XPOT: variants seen among roughly 807,000 people sequenced by gnomAD.
XPOT encodes the protein exportin-T.
In XPOT, 34 loss-of-function variants were observed where a neutral mutation model predicts 128.2. That is an observed-to-expected ratio of 0.27 (90% confidence interval 0.20 to 0.35). The LOEUF (loss-of-function observed/expected upper bound fraction) is 0.35. Ranked by LOEUF, XPOT falls within the 10% of genes least tolerant of loss-of-function variation. The pLI, the probability that XPOT is intolerant of heterozygous loss-of-function variation, is 1.00. For missense variants in XPOT, 838 were observed against 1,125.3 expected (o/e 0.74, Z 3.65); for synonymous variants, 348 against 394.3 (o/e 0.88, Z 1.39).
intron 22 of XPOT, among the ~76,000 whole-genome samples, chr12:64,438,783 A>G (rs1462815593): frequency 3.9e-5 from 6 of 152,004 alleles, no homozygotes; most frequent in Admixed American, 1.3e-4. Context: ...ATGCGCCATG[A>G]TGCCCAGCTA....
At chr12:64,435,720 T>A (rs754771533) in intron 22 of XPOT, 46 bp downstream of exon 22, 1 of 1,531,508 alleles carries the variant, frequency 6.5e-7, no homozygotes. Flanking sequence ...TCACATGTGG[T>A]ATTATTATCT....
rs2040383445 is a variant in XPOT at position 64,448,545 on chromosome 12, C to CG, written c.*414_*415insG. 6.3e-6 allele frequency: 1 copy of CG among 157,974 alleles called. No homozygotes were observed. Among genetic ancestry groups the CG allele is most frequent in the Non-Finnish European group, 1.4e-5 (1 of 71,556 alleles). 9.8% of individuals were successfully genotyped at this position (157,974 alleles called of 1,614,324 possible). ...GTATGGGGGAAGACAGCAATCAAAACTAACTTTTTGTAGATAGCCATTTCA... is the reference window on the plus strand; with the variant it reads ...GTATGGGGGAAGACAGCAATCAAAACGTAACTTTTTGTAGATAGCCATTTCA... On this transcript the variant is annotated 3_prime_UTR_variant, in exon 25 of 25. Transcript: ENST00000332707.
chr12:64,418,955 A>T lies in XPOT; in HGVS notation c.350A>T (p.Tyr117Phe), dbSNP rs377212431. 1 of 1,614,082 alleles carries T rather than the reference A, an allele frequency of 6.2e-7. No individual in the cohort carries two copies. ...QVFALLFVTE[Y>F]LTKWPKFFFD... ...TTCGCCTTGCTTTTTGTTACAGAGT[A>T]TCTCACTAAGTGGCCCAAGTTTTTT... Residue 117 changes from tyrosine (Y) to phenylalanine (F), a missense_variant, in exon 6 of 25, where the codon TAT becomes TTT. Transcript: ENST00000332707.
In XPOT at chr12:64,416,673, C is replaced by T. The variant is rs768681539; in HGVS notation, c.144-25C>T. 1.7e-5 allele frequency: 27 copies of T among 1,592,388 alleles called. 1 individual carries two copies. The South Asian group carries it at 2.7e-4, about 16-fold the overall frequency. ...TTTCCTCAGTTCATATTCTGCTTAT[C>T]TCATTTTCTTTTTTTCTTTTTCAGT... is the stretch of plus-strand genomic sequence containing the variant. On this transcript the variant is annotated intron_variant, in intron 3 of 24. Transcript: ENST00000332707.
chr12:64,407,183 C>T (rs2136007254), intron 1 of XPOT, among the ~76,000 whole-genome samples: 1 of 152,148 alleles, frequency 6.6e-6, no homozygotes, highest in Non-Finnish European at 1.5e-5. Context: ...CAAGACAGTC[C>T]TTGCCCTTTA....
chr12:64,421,185 T>G, intron 8 of XPOT, 50 bp from the exon 9 acceptor site: 1 of 1,364,880 alleles, frequency 7.3e-7, no homozygotes, highest in Non-Finnish European at 1.0e-6. Flanking sequence ...GTTTTTCCTC[T>G]TAGCTTGGGC....
intron 4 of XPOT, among the ~76,000 whole-genome samples, chr12:64,417,214 CAAAAAT>C (rs2040095824): frequency 6.6e-6 from 1 of 151,850 alleles, no homozygotes; most frequent in African/African-American, 2.4e-5. Context: ...GACTCCGTCT[CAAAAAT>C]AAAAAAAGTG....
chr12:64,431,874 T>G, intron 18 of XPOT, 51 bp downstream of exon 18: 1 of 1,559,480 alleles, frequency 6.4e-7, no homozygotes. Context: ...CAGATGTATT[T>G]ATCTTCAGAC....
chr12:64,425,278 C>T, intron 13 of XPOT, 60 bp from the exon 14 acceptor site: 1 of 1,609,494 alleles, frequency 6.2e-7, no homozygotes, highest in Non-Finnish European at 8.5e-7. Context: ...TATGTTAATA[C>T]CGGGGCATTT....
At chr12:64,431,424 G>A (rs553876848) in intron 17 of XPOT, 114 bp from the exon 18 acceptor site, 323 of 1,025,668 alleles carry the variant, frequency 3.1e-4, no homozygotes, top group Non-Finnish European at 4.3e-4. Context: ...GAAAATAAAG[G>A]TCTGGTTATT....
chr12:64,434,878 C>T lies in XPOT; in HGVS notation c.2654C>T (p.Thr885Ile). The T allele has an allele frequency of 6.2e-7, 1 of 1,612,336 alleles. No homozygotes were observed. Among genetic ancestry groups the T allele is most frequent in the Non-Finnish European group, 8.5e-7 (1 of 1,179,970 alleles). The change falls in exon 21 of 25, where the codon ACC becomes ATC. Residue 885 changes from threonine (T) to isoleucine (I), a missense_variant. Thr to Ile is a moderately conservative substitution (Grantham distance 89). Around this residue, in one of 3 missense-constraint regions of XPOT, gnomAD observed 21 missense variants for 57.8 expected, o/e 0.36. Transcript: ENST00000332707. ...TGTTTCCTAGCACCTTTAAAACAAA[C>T]CTTTGACCTGGCAGATGCACAAACA... Reference protein sequence around the residue: ...PACFLAPLKQTFDLADAQTVL... With the variant: ...PACFLAPLKQIFDLADAQTVL...
chr12:64,421,295 T>C lies in XPOT; in HGVS notation c.904T>C (p.Leu302=), dbSNP rs1373559205. The C allele has an allele frequency of 1.2e-6, 2 of 1,613,986 alleles. No individual in the cohort carries two copies. Among genetic ancestry groups the C allele is most frequent in the Admixed American group, 1.7e-5 (1 of 60,006 alleles). The change falls in exon 9 of 25, where the codon TTG becomes CTG. Residue 302 remains leucine (L), a synonymous_variant. Coordinates refer to ENST00000332707, the MANE Select transcript of XPOT (RefSeq NM_007235.6). ...SKLVNGMGQS[L]IVSWSKLIKN... ...GTTGGTAAATGGAATGGGACAGTCA[T>C]TGATAGTTAGTTGGAGTAAATTAAT...
At chr12:64,427,694 C>T (rs1394161465) in intron 15 of XPOT, among the ~76,000 whole-genome samples, 1 of 152,004 alleles carries the variant, frequency 6.6e-6, no homozygotes, top group Non-Finnish European at 1.5e-5. Flanking sequence ...AGTCTCACCA[C>T]ATTGCCCAGC....
At chr12:64,431,408 G>C in intron 17 of XPOT, 130 bp from the exon 18 acceptor site, 2 of 846,660 alleles carry the variant, frequency 2.4e-6, no homozygotes, top group Non-Finnish European at 3.7e-6. Flanking sequence ...AAGTAATTGT[G>C]ATGTGGAAAA....
chr12:64,412,752 G>A (rs998538457), intron 2 of XPOT, among the ~76,000 whole-genome samples: 3 of 152,086 alleles, frequency 2.0e-5, no homozygotes, highest in Admixed American at 1.3e-4. Context: ...TTATGGGCTC[G>A]GTCTTACAAA....
chr12:64,428,794 C>A (rs1412676552), intron 16 of XPOT, among the ~76,000 whole-genome samples: 1 of 152,132 alleles, frequency 6.6e-6, no homozygotes, highest in Non-Finnish European at 1.5e-5. Context: ...ACTTCATAGG[C>A]CACTTTACAC....
At position 64,416,317 on chromosome 12, in the gene XPOT, CTCTG is replaced by C. The variant is rs1431968820; in HGVS notation, c.144-375_144-372del. 5.3e-5 allele frequency among the ~76,000 whole-genome samples: 8 copies of C among 152,338 alleles called. No individual in the cohort carries two copies. The East Asian group carries it at 1.3e-3, about 26-fold the overall frequency. ...ACGACCATCTTTACTTTCACTCAGA[CTCTG>C]TCTGTTCTGCCATTTGTAATTTTAC... On this transcript the variant is annotated intron_variant, in intron 3 of 24. Transcript: ENST00000332707.
In XPOT at chr12:64,423,329, G is replaced by A. The variant is rs79973684; in HGVS notation, c.1182+85G>A. ...ATATTTCAAGTTCTTATTGTTTCGG[G>A]GCCCTTTAAAACATGAAGTTCTTGA... On this transcript the variant is annotated intron_variant, in intron 11 of 24. Coordinates refer to ENST00000332707, the MANE Select transcript of XPOT (RefSeq NM_007235.6). 3,409 of 950,084 alleles carry A rather than the reference G, an allele frequency of 3.6e-3. 80 individuals are homozygous for A. In the African/African-American group the frequency reaches 0.051, roughly 14 times the overall value. The allele number at this position is 950,084 out of a possible 1,614,324, so 58.9% of individuals were successfully genotyped here.
At chr12:64,417,952 C>A in intron 4 of XPOT, 94 bp from the exon 5 acceptor site, 1 of 916,278 alleles carries the variant, frequency 1.1e-6, no homozygotes, top group Non-Finnish European at 1.7e-6. Context: ...GAGAGCTATA[C>A]AAATTTTCCC....
Sources: gnomAD v4.1 joint callset for allele counts (sites outside exome capture counted in the v4.1 genomes callset) on GRCh38, gnomAD v4.1.1 for gene constraint, gnomAD v4.1.1 regional missense constraint, MANE v1.5 for transcripts, NCBI Gene and HGNC (gene_info 2026-07-23, HGNC 2026-07-21) for gene names.